PCM1: variants seen among roughly 807,000 people sequenced by gnomAD.
The protein encoded by PCM1 is pericentriolar material 1 protein.
In PCM1, 157 loss-of-function variants were observed where a neutral mutation model predicts 241.9. That is an observed-to-expected ratio of 0.65 (90% CI 0.57 to 0.74). The LOEUF is 0.74. Ranked by LOEUF, PCM1 falls within the 30% of genes least tolerant of loss-of-function variation. PCM1 has a pLI of 0.00. For missense variants in PCM1, 3,478 were observed against 2,360.1 expected (o/e 1.47, Z -9.81); for synonymous variants, 1,085 against 784.9 (o/e 1.38, Z -6.39).
chr8:18,005,958 A>G (rs1019208986), intron 29 of PCM1: 4 of 227,858 alleles, frequency 1.8e-5, no homozygotes, highest in African/African-American at 4.5e-5. Context: ...GGAAACTAGC[A>G]TGAATAGTTC....
chr8:17,964,545 G>T (rs370280970), intron 17 of PCM1, 23 bp from the exon 18 acceptor site: 6 of 1,589,366 alleles, frequency 3.8e-6, no homozygotes, highest in African/African-American at 2.7e-5. Context: ...AATGACATCT[G>T]TTTTATGTCT....
At chr8:18,017,633 C>A (rs2093351010) in intron 36 of PCM1, among the ~76,000 whole-genome samples, 1 of 152,156 alleles carries the variant, frequency 6.6e-6, no homozygotes, top group South Asian at 2.1e-4. Flanking sequence ...GCAGGCAGAT[C>A]ACCTGAGGTC....
At chr8:18,012,365 G>T (rs913757922) in intron 34 of PCM1, among the ~76,000 whole-genome samples, 15 of 152,050 alleles carry the variant, frequency 9.9e-5, no homozygotes, top group African/African-American at 3.6e-4. Flanking sequence ...ACCCTTATTT[G>T]ACTTAATGGC....
At chr8:17,987,884 T>G (rs991406304) in intron 26 of PCM1, among the ~76,000 whole-genome samples, 1 of 151,894 alleles carries the variant, frequency 6.6e-6, no homozygotes, top group African/African-American at 2.4e-5. Context: ...AAATTTTATT[T>G]AAATAGCCAT....
intron 2 of PCM1, among the ~76,000 whole-genome samples, chr8:17,932,519 T>G (rs1285467255): frequency 6.6e-6 from 1 of 152,086 alleles, no homozygotes; most frequent in African/African-American, 2.4e-5. Context: ...TATATATTCG[T>G]ATTTTTTTTT....
chr8:17,974,418 A>T (rs1237462381), intron 23 of PCM1, among the ~76,000 whole-genome samples: 2 of 152,196 alleles, frequency 1.3e-5, no homozygotes, highest in Admixed American at 1.3e-4. Context: ...TTTGAATCTG[A>T]TAGGGCAATA....
intron 35 of PCM1, among the ~76,000 whole-genome samples, 169 bp from the exon 36 acceptor site, chr8:18,014,415 G>T (rs2092918371): frequency 6.6e-6 from 1 of 152,072 alleles, no homozygotes; most frequent in Admixed American, 6.5e-5. Context: ...AGGTGATTTT[G>T]ATCAACTAAA....
rs182892799 is a variant in PCM1, at chr8:17,953,380, T to G, written c.1288+194T>G. ...AGCCAAATAGGTGATAAATCAGTTT[T>G]ATAATTCAGAAAAGGGAAAGAATAA... On this transcript the variant is annotated intron_variant, in intron 9 of 38. Transcript: ENST00000325083. Among the ~76,000 whole-genome samples the G allele has an allele frequency of 6.6e-5, 10 of 152,312 alleles. No individual in the cohort carries two copies. The East Asian group carries it at 1.9e-3, about 29-fold the overall frequency.
chr8:17,980,679 A>G lies in PCM1; in HGVS notation c.4032A>G (p.Ala1344=). 1.2e-6 allele frequency: 2 copies of G among 1,613,372 alleles called. No homozygotes were observed. Among genetic ancestry groups the G allele is most frequent in the East Asian group, 2.2e-5 (1 of 44,850 alleles). ...CCCAGACTGAAGAGCCTGTTCAAGCAAAAGTATTCAGCAGAAAGAATCATG... is the reference window on the plus strand; with the variant it reads ...CCCAGACTGAAGAGCCTGTTCAAGCGAAAGTATTCAGCAGAAAGAATCATG... ...HSAQTEEPVQ[A]KVFSRKNHEQ... The change falls in exon 24 of 39, where the codon GCA becomes GCG. Residue 1344 remains alanine, a synonymous_variant. Coordinates refer to ENST00000325083, the MANE Select transcript of PCM1 (RefSeq NM_006197.4).
Position 18,015,080 on chromosome 8 carries a change from C to G in PCM1, c.5841+240C>G, listed in dbSNP as rs149578744. ...AACCAAAGGGATAAAAAGATTTCAT[C>G]TTAAGTTCGGCTCTGAAGTGGTAAT... On this transcript the variant is annotated intron_variant, in intron 36 of 38. Transcript: ENST00000325083. Among the ~76,000 whole-genome samples the G allele has an allele frequency of 1.4e-3, 207 of 152,260 alleles. 1 individual carries two copies. Among genetic ancestry groups the G allele is most frequent in the Admixed American group, 2.9e-3 (45 of 15,296 alleles).
At chr8:17,927,676 T>A (rs7827226) in intron 2 of PCM1, 6,095 of 151,974 alleles carry the variant, frequency 0.04, 200 homozygotes, top group African/African-American at 0.084. Context: ...TCAGCCTCCC[T>A]AGTAGCTGGG....
chr8:18,025,736 A>T, intron 38 of PCM1, 78 bp downstream of exon 38: 1 of 809,972 alleles, frequency 1.2e-6, no homozygotes, highest in Non-Finnish European at 2.0e-6. Context: ...TTATTTTTTA[A>T]ATATGCTACT....
chr8:17,988,238 T>G (rs2083278625), intron 26 of PCM1, among the ~76,000 whole-genome samples: 1 of 151,840 alleles, frequency 6.6e-6, no homozygotes, highest in African/African-American at 2.4e-5. Flanking sequence ...CTAAAATACG[T>G]TCCTTAATGT....
At chr8:17,967,890 C>G (rs1267033720) in intron 21 of PCM1, among the ~76,000 whole-genome samples, 1 of 151,996 alleles carries the variant, frequency 6.6e-6, no homozygotes, top group Admixed American at 6.6e-5. Context: ...TCATTATGTA[C>G]CAGACACTAT....
intron 16 of PCM1, 82 bp from the exon 17 acceptor site, chr8:17,963,019 T>C: frequency 2.2e-6 from 2 of 925,676 alleles, no homozygotes; most frequent in Non-Finnish European, 3.3e-6. Context: ...TTGTTGATAC[T>C]GACAATACTA....
intron 29 of PCM1, among the ~76,000 whole-genome samples, chr8:18,004,049 T>TAA (rs372480778): frequency 1.3e-5 from 2 of 150,746 alleles, no homozygotes; most frequent in Admixed American, 1.3e-4. Context: ...TTATAAGGGT[T>TAA]AAAAAAAAAG....
chr8:17,957,134 A>G lies in PCM1; in HGVS notation c.1647-130A>G, dbSNP rs543913532. The G allele has an allele frequency of 8.7e-5, 59 of 678,770 alleles. No individual in the cohort carries two copies. The African/African-American group carries it at 9.5e-4, about 11-fold the overall frequency. The allele number at this position is 678,770 out of a possible 1,614,324, so 42.0% of individuals were successfully genotyped here. A position where few individuals can be genotyped will look rare whatever the true frequency, so the allele number is the denominator to read the frequency against. On this transcript the variant is annotated intron_variant, in intron 11 of 38. Transcript: ENST00000325083. ...AATGAAAAGCAGGAGTCGATTATTC[A>G]ATTTGAATTTAAATGGAATAGCCAA...
intron 28 of PCM1, among the ~76,000 whole-genome samples, chr8:17,992,300 G>T (rs867388880): frequency 2.0e-5 from 3 of 152,152 alleles, no homozygotes. Context: ...TCTACTTTCA[G>T]TTGTTTAAGG....
chr8:18,014,752 T>G lies in PCM1; in HGVS notation c.5753T>G (p.Val1918Gly), dbSNP rs2092957144. Residue 1918 changes from valine to glycine, a missense_variant, in exon 36 of 39, where the codon GTC (valine) becomes GGC (glycine). Val to Gly is a moderately radical substitution (Grantham distance 109, BLOSUM62 -3). Coordinates refer to ENST00000325083, the MANE Select transcript of PCM1 (RefSeq NM_006197.4). The part of the protein sequence containing the change: ...LPEMEPLVPR[V>G]KEVKSAQETP... The stretch of plus-strand genomic sequence containing the variant: ...GAAATGGAACCCTTAGTGCCTAGAG[T>G]CAAAGAAGTTAAATCTGCTCAGGAA... 6.2e-7 allele frequency: 1 copy of G among 1,612,656 alleles called. No individual in the cohort carries two copies. Among genetic ancestry groups the G allele is most frequent in the South Asian group, 1.1e-5 (1 of 91,010 alleles).
Sources: gnomAD v4.1 joint callset for allele counts (sites outside exome capture counted in the v4.1 genomes callset) on GRCh38, gnomAD v4.1.1 for gene constraint, MANE v1.5 for transcripts, NCBI Gene and HGNC (gene_info 2026-07-23, HGNC 2026-07-21) for gene names.